Variants in RB1CC1 observed in about 807,000 individuals in gnomAD.
RB1CC1 encodes the protein RB1 inducible coiled-coil 1.
RB1CC1 carries 46 observed loss-of-function variants against 177.5 expected under a neutral mutation model. The ratio of observed to expected loss-of-function variants is 0.26; its 90% CI spans 0.20 to 0.33. RB1CC1 has a LOEUF of 0.33. Among genes scored for constraint, RB1CC1 ranks in the 10% least tolerant of loss-of-function variants. The probability of loss-of-function intolerance (pLI) is 1.00; values close to 1 mark genes in which losing one functional copy is unlikely to be tolerated. For synonymous variants in RB1CC1, 666 were observed against 613.6 expected, an observed-to-expected ratio of 1.09 and a Z score of -1.26; for missense variants, 1,703 against 1,816.3, an observed-to-expected ratio of 0.94 and a Z score of 1.13.
intron 5 of RB1CC1, among the ~76,000 whole-genome samples, chr8:52,682,908 C>A (rs1853889766): frequency 1.3e-5 from 2 of 152,042 alleles, no homozygotes; most frequent in South Asian, 4.1e-4. Flanking sequence ...TAAAACAAAT[C>A]TCTAAGAGTT....
At chr8:52,643,396 A>T (rs972761772) in intron 16 of RB1CC1, among the ~76,000 whole-genome samples, 6 of 152,140 alleles carry the variant, frequency 3.9e-5, no homozygotes, top group Admixed American at 2.0e-4. Context: ...AAGATGACTG[A>T]ATCTGTATAA....
At position 52,672,217 on chromosome 8, in the gene RB1CC1, C is replaced by T. The variant is rs192790510; in HGVS notation, c.1002+1628G>A. Among the ~76,000 whole-genome samples, 11 of 152,246 alleles carry T rather than the reference C, an allele frequency of 7.2e-5. No individual in the cohort carries two copies. The East Asian group carries it at 9.7e-4, about 13-fold the overall frequency. On this transcript the variant is annotated intron_variant, in intron 7 of 23. Transcript: ENST00000025008. ...AGCTGGTCTTGAACTTCTTACCTCA[C>T]GTGATCCTCTCGCCTCAGCCTCCCA... is the stretch of plus-strand genomic sequence containing the variant.
chr8:52,700,963 G>C (rs537977032), intron 1 of RB1CC1, among the ~76,000 whole-genome samples: 1 of 152,290 alleles, frequency 6.6e-6, no homozygotes, highest in South Asian at 2.1e-4. Context: ...TAAGAGGGAG[G>C]TTGACCTAGG....
chr8:52,686,149 G>T (rs533340201), intron 2 of RB1CC1: 5 of 152,200 alleles, frequency 3.3e-5, no homozygotes, highest in Admixed American at 6.5e-5. Context: ...AGTAGCAAGT[G>T]TACAGGTCTG....
chr8:52,677,851 A>G (rs897483155), intron 5 of RB1CC1, among the ~76,000 whole-genome samples: 22 of 152,356 alleles, frequency 1.4e-4, no homozygotes, highest in African/African-American at 5.1e-4. Flanking sequence ...TTTTTTAAAC[A>G]GATGAAAGAG....
chr8:52,623,347 T>C lies in RB1CC1; in HGVS notation c.*435A>G. 4.4e-6 allele frequency: 1 copy of C among 225,932 alleles called. No homozygotes were observed. Among genetic ancestry groups the C allele is most frequent in the Non-Finnish European group, 9.0e-6 (1 of 111,686 alleles). 14.0% of individuals were successfully genotyped at this position (225,932 alleles called of 1,614,324 possible). On this transcript the variant is annotated 3_prime_UTR_variant, in exon 24 of 24. Transcript: ENST00000025008. ...ATAGTTCTGAATAATTTATACATTT[T>C]ATAAAGAATGTGTTAAAGAGTGCAA... is the stretch of plus-strand genomic sequence containing the variant.
At chr8:52,643,116 C>T (rs1308833509) in intron 16 of RB1CC1, 1 of 190,918 alleles carries the variant, frequency 5.2e-6, no homozygotes, top group African/African-American at 2.3e-5. Context: ...CTGTTAGACA[C>T]TTACTTTTTT....
chr8:52,657,699 T>C lies in RB1CC1; in HGVS notation c.2130A>G (p.Ile710Met). The C allele has an allele frequency of 6.2e-7, 1 of 1,614,180 alleles. No individual in the cohort carries two copies. The highest frequency in any genetic ancestry group is 1.3e-5 in the African/African-American group (1 of 75,074). The change falls in exon 15 of 24, where the codon ATA becomes ATG. Residue 710 changes from isoleucine to methionine, a missense_variant. Physicochemically the swap from Ile to Met is conservative, Grantham distance 10. This residue lies in a region of RB1CC1 where 1,169 missense variants were observed against 1,184.7 expected (regional missense o/e 0.99). Transcript: ENST00000025008. ...FDFETIPHPN[I>M]EQTIHQVSLD... ...AAGAAACTTGGTGAATAGTCTGTTC[T>C]ATGTTTGGATGGGGAATAGTTTCAA...
intron 1 of RB1CC1, among the ~76,000 whole-genome samples, chr8:52,708,349 T>C (rs574794591): frequency 1.3e-5 from 2 of 152,152 alleles, no homozygotes; most frequent in Admixed American, 6.5e-5. Context: ...ACCCCGTCTC[T>C]GCTAAAAATA....
At chr8:52,694,264 C>T (rs941050776) in intron 1 of RB1CC1, among the ~76,000 whole-genome samples, 3 of 152,272 alleles carry the variant, frequency 2.0e-5, no homozygotes, top group African/African-American at 4.8e-5. Flanking sequence ...CAACAGGTCA[C>T]GTGGTCTCCC....
At chr8:52,626,785 C>G (rs1848421972) in intron 22 of RB1CC1, among the ~76,000 whole-genome samples, 2 of 143,126 alleles carry the variant, frequency 1.4e-5, no homozygotes, top group Middle Eastern at 3.5e-3. Context: ...TCTAAACAGC[C>G]AACCACAAAT....
chr8:52,634,997 T>A, intron 19 of RB1CC1, 29 bp from the exon 20 acceptor site: 1 of 1,584,138 alleles, frequency 6.3e-7, no homozygotes. Flanking sequence ...GACCTGTGGT[T>A]TATCCTTGTA....
intron 22 of RB1CC1, among the ~76,000 whole-genome samples, chr8:52,626,676 G>C (rs1400237317): frequency 6.6e-6 from 1 of 152,108 alleles, no homozygotes; most frequent in African/African-American, 2.4e-5. Flanking sequence ...AGAAATATCA[G>C]GTTCATTATT....
intron 22 of RB1CC1, among the ~76,000 whole-genome samples, chr8:52,627,071 G>C (rs547223232): frequency 2.0e-5 from 3 of 151,190 alleles, no homozygotes; most frequent in Non-Finnish European, 4.4e-5. Context: ...AAAAAAGGCC[G>C]GGTACGGTGG....
Position 52,646,415 on chromosome 8 carries a change from A to T in RB1CC1, c.3822-548T>A, listed in dbSNP as rs182647742. On this transcript the variant is annotated intron_variant, in intron 15 of 23. Transcript: ENST00000025008. ...AATCCTGCCTGGGCAACATAAGGAA[A>T]AAGTATTTTCTGGTAAGGGACTATA... 4.6e-5 allele frequency among the ~76,000 whole-genome samples: 7 copies of T among 152,316 alleles called. No individual in the cohort carries two copies. The East Asian group carries it at 1.2e-3, about 25-fold the overall frequency.
chr8:52,660,845 T>C, intron 11 of RB1CC1, 81 bp downstream of exon 11: 10 of 1,239,338 alleles, frequency 8.1e-6, no homozygotes, highest in Non-Finnish European at 1.0e-5. Flanking sequence ...AGCATATACA[T>C]GAAGTATGCT....
intron 16 of RB1CC1, among the ~76,000 whole-genome samples, chr8:52,645,174 A>G (rs903685839): frequency 2.6e-5 from 4 of 152,334 alleles, no homozygotes; most frequent in Non-Finnish European, 2.9e-5. Context: ...ACAAAATTCA[A>G]TAATATTCCA....
chr8:52,685,300 G>T, intron 3 of RB1CC1, 99 bp downstream of exon 3: 2 of 897,798 alleles, frequency 2.2e-6, no homozygotes, highest in South Asian at 3.0e-5. Flanking sequence ...TACCGCACCC[G>T]GCCGCCATTA....
chr8:52,697,767 A>T (rs1563460821), intron 1 of RB1CC1, among the ~76,000 whole-genome samples: 1 of 152,226 alleles, frequency 6.6e-6, no homozygotes, highest in Non-Finnish European at 1.5e-5. Flanking sequence ...ACACTAGAAA[A>T]TGTATTATTT....
Sources: allele counts gnomAD v4.1 joint callset (sites outside exome capture counted in the v4.1 genomes callset), GRCh38; gene constraint gnomAD v4.1.1; regional missense constraint gnomAD v4.1.1; transcripts MANE v1.5; gene names NCBI Gene and HGNC (gene_info 2026-07-23, HGNC 2026-07-21).